Variants in SPATA7 observed in about 807,000 individuals in gnomAD.
SPATA7 encodes the protein spermatogenesis associated 7.
A neutral mutation model predicts 51.8 loss-of-function variants in SPATA7; 43 were observed. That is an observed-to-expected ratio of 0.83 (90% CI 0.65 to 1.07). The LOEUF is 1.07. SPATA7 is among the 50% of genes least tolerant of loss of function. The pLI, the probability that SPATA7 is intolerant of heterozygous loss-of-function variation, is 0.00. For missense variants in SPATA7, 683 were observed against 701.3 expected, an observed-to-expected ratio of 0.97 and a Z score of 0.30; for synonymous variants, 230 against 252.8, an observed-to-expected ratio of 0.91 and a Z score of 0.86.
intron 4 of SPATA7, among the ~76,000 whole-genome samples, chr14:88,468,713 G>C: frequency 6.6e-6 from 1 of 152,202 alleles, no homozygotes; most frequent in South Asian, 2.1e-4. Flanking sequence ...TTTATTTATC[G>C]TATGACTTCT....
intron 10 of SPATA7, among the ~76,000 whole-genome samples, chr14:88,436,143 T>G (rs1193562176): frequency 1.3e-5 from 2 of 152,182 alleles, no homozygotes; most frequent in Non-Finnish European, 2.9e-5. Flanking sequence ...TAGTTTTGAT[T>G]TGCATTCCTC....
chr14:88,392,227 A>C (rs2139868903), intron 2 of SPATA7, among the ~76,000 whole-genome samples: 1 of 152,336 alleles, frequency 6.6e-6, no homozygotes, highest in Non-Finnish European at 1.5e-5. Context: ...AGTTAAAACT[A>C]GATTTAAAAT....
chr14:88,421,925 G>A (rs1482627173), intron 5 of SPATA7, among the ~76,000 whole-genome samples: 1 of 150,848 alleles, frequency 6.6e-6, no homozygotes, highest in Admixed American at 6.6e-5. Context: ...TCCAGCCTGG[G>A]CGACAGAGCG....
At position 88,390,253 on chromosome 14, in the gene SPATA7, G is replaced by A. The variant is rs1040938438; in HGVS notation, c.20-1128G>A. On this transcript the variant is annotated intron_variant, in intron 1 of 11. Transcript: ENST00000393545. ...CTCATACTGGTTTAAGCTAAAATGGGAATTTTTTTTTTTTTTTGGCTAATG... is the reference window on the plus strand; with the variant it reads ...CTCATACTGGTTTAAGCTAAAATGGAAATTTTTTTTTTTTTTTGGCTAATG... Among the ~76,000 whole-genome samples the A allele has an allele frequency of 2.7e-5, 4 of 150,080 alleles. No individual in the cohort carries two copies. In the East Asian group the frequency reaches 7.8e-4, roughly 29 times the overall value.
At chr14:88,402,981 A>AC (rs2076109722) in intron 4 of SPATA7, among the ~76,000 whole-genome samples, 6 of 149,562 alleles carry the variant, frequency 4.0e-5, no homozygotes, top group Admixed American at 6.6e-5. Context: ...AAAAAAAAAA[A>AC]AACCCAAAAC....
At chr14:88,433,258 TATTCTTC>T in intron 10 of SPATA7, 46 bp downstream of exon 10, 1 of 1,283,444 alleles carries the variant, frequency 7.8e-7, no homozygotes, top group South Asian at 1.2e-5. Flanking sequence ...GTACATTAAA[TATTCTTC>T]ATATTTCTTC....
In SPATA7 at chr14:88,438,097, T is replaced by G. The variant is rs767711985; in HGVS notation, c.1475T>G (p.Phe492Cys). The change falls in exon 12 of 12, where the codon TTC becomes TGC. Residue 492 changes from phenylalanine to cysteine, a missense_variant. By Grantham distance (205) the Phe-to-Cys change is radical (BLOSUM62 -2). Transcript: ENST00000393545. ...NEIFPSPTEF[F>C]MPIYKSKHSE... ...ATATTCCCTTCACCAACTGAATTTT[T>G]CATGCCTATTTATAAATCAAAGCAT... 6.2e-7 allele frequency: 1 copy of G among 1,614,140 alleles called. No homozygotes were observed. The highest frequency in any genetic ancestry group is 1.1e-5 in the South Asian group (1 of 91,066).
At chr14:88,427,718 G>C in intron 7 of SPATA7, 22 bp downstream of exon 7, 1 of 1,513,872 alleles carries the variant, frequency 6.6e-7, no homozygotes, top group Non-Finnish European at 9.2e-7. Context: ...GAAATCTTTT[G>C]GTATTGCTAC....
chr14:88,389,610 C>T (rs2075684323), intron 1 of SPATA7, among the ~76,000 whole-genome samples: 1 of 152,178 alleles, frequency 6.6e-6, no homozygotes, highest in African/African-American at 2.4e-5. Flanking sequence ...GGAACATAGA[C>T]ATCAAGGAAC....
chr14:88,446,728 C>T (rs1251986650), intron 3 of SPATA7, among the ~76,000 whole-genome samples: 3 of 152,088 alleles, frequency 2.0e-5, no homozygotes, highest in Non-Finnish European at 2.9e-5. Flanking sequence ...TTTCTGCCTT[C>T]GTTTTGTTAT....
chr14:88,441,695 G>C (rs1341354064), downstream of SPATA7, among the ~76,000 whole-genome samples: 5 of 152,060 alleles, frequency 3.3e-5, no homozygotes. Context: ...TGATGGGATT[G>C]TTTTTGTTTC....
chr14:88,429,576 T>C (rs943297716), intron 8 of SPATA7, 113 bp downstream of exon 8: 6 of 639,952 alleles, frequency 9.4e-6, no homozygotes, highest in Admixed American at 5.7e-5. Flanking sequence ...CAATCTATTT[T>C]GGTGTTATGT....
chr14:88,468,374 CT>C, intron 4 of SPATA7: 1 of 1,070,754 alleles, frequency 9.3e-7, no homozygotes, highest in Non-Finnish European at 1.3e-6. Context: ...TGGACAGTCT[CT>C]TTTCCACCTT....
chr14:88,419,600 C>T (rs1939436947), intron 5 of SPATA7, among the ~76,000 whole-genome samples: 1 of 150,896 alleles, frequency 6.6e-6, no homozygotes, highest in South Asian at 2.1e-4. Flanking sequence ...TATCTTGGCT[C>T]ACTGCAAGCT....
chr14:88,469,742 G>A lies in SPATA7; in HGVS notation c.255-105G>A, dbSNP rs773397393. The A allele has an allele frequency of 1.9e-5, 30 of 1,613,624 alleles. No homozygotes were observed. The Admixed American group carries it at 4.3e-4, about 23-fold the overall frequency. ...TTCTCCCTTCCACCCTCCTGTTAAAGATGAGCATGGTTAAATGACTCGAGA... is the reference window on the plus strand; with the variant it reads ...TTCTCCCTTCCACCCTCCTGTTAAAAATGAGCATGGTTAAATGACTCGAGA... On this transcript the variant is annotated intron_variant, in intron 4 of 4. Transcript: ENST00000556406. The surrounding 1 kb of genome is among the most constrained non-coding windows in gnomAD (Gnocchi z 4.3).
At chr14:88,439,129 C>T (rs117065099), downstream of SPATA7, among the ~76,000 whole-genome samples, 2 of 152,270 alleles carry the variant, frequency 1.3e-5, no homozygotes, top group Non-Finnish European at 2.9e-5. Flanking sequence ...CAGACATAAG[C>T]GGTTTTGTAG....
chr14:88,457,399 A>G (rs61972875), downstream of SPATA7, among the ~76,000 whole-genome samples: 1 of 152,016 alleles, frequency 6.6e-6, no homozygotes, highest in African/African-American at 2.4e-5. Context: ...CTTTTATTTC[A>G]TTGAGCAGTG....
intron 2 of SPATA7, among the ~76,000 whole-genome samples, chr14:88,391,985 A>G (rs1378324076): frequency 2.6e-5 from 4 of 152,192 alleles, no homozygotes; most frequent in East Asian, 1.9e-4. Flanking sequence ...GTATAAGTCT[A>G]TGTCCTTAGG....
intron 3 of SPATA7, among the ~76,000 whole-genome samples, chr14:88,394,547 A>G (rs1173797275): frequency 6.6e-6 from 1 of 152,144 alleles, no homozygotes; most frequent in African/African-American, 2.4e-5. Context: ...TTTGTTTATG[A>G]TTCACCAGTT....
Sources: gnomAD v4.1 joint callset for allele counts (sites outside exome capture counted in the v4.1 genomes callset) on GRCh38, gnomAD v4.1.1 for gene constraint, Gnocchi (gnomAD v3.1) non-coding constraint, MANE v1.5 for transcripts, NCBI Gene and HGNC (gene_info 2026-07-23, HGNC 2026-07-21) for gene names.